Variants in GABBR2 observed in about 807,000 individuals in gnomAD.
GABBR2 encodes the protein gamma-aminobutyric acid type B receptor subunit 2, also known as G-protein coupled receptor 51.
GABBR2 carries 23 observed loss-of-function variants against 105.6 expected under a neutral mutation model. The ratio of observed to expected loss-of-function variants is 0.22; its 90% CI spans 0.16 to 0.31. The LOEUF (loss-of-function observed/expected upper bound fraction) is 0.31, where lower values mean the gene tolerates loss of function less well. Ranked by LOEUF, GABBR2 falls within the 10% of genes least tolerant of loss-of-function variation. The pLI is 1.00. For missense variants in GABBR2, 734 were observed against 1,245.5 expected (o/e 0.59, Z 6.18); for synonymous variants, 478 against 499.7 (o/e 0.96, Z 0.58).
Position 98,431,026 on chromosome 9 carries a change from C to A in GABBR2, c.1236+22955G>T, listed in dbSNP as rs563508175. ...CTTGGTTGGAAGTGGGAAGTGGAAG[C>A]CCCCAACTCCAGAACTCCAGATACT... On this transcript the variant is annotated intron_variant, in intron 7 of 18. Coordinates refer to ENST00000259455, the MANE Select transcript of GABBR2 (RefSeq NM_005458.8). Among the ~76,000 whole-genome samples the A allele has an allele frequency of 4.6e-5, 7 of 151,852 alleles. No homozygotes were observed. In the South Asian group the frequency reaches 1.5e-3, roughly 32 times the overall value.
chr9:98,697,174 C>A (rs768130757), intron 1 of GABBR2, among the ~76,000 whole-genome samples: 1 of 152,160 alleles, frequency 6.6e-6, no homozygotes, highest in Non-Finnish European at 1.5e-5. Flanking sequence ...GCTCTCTAAG[C>A]CTCATCTGTA....
intron 1 of GABBR2, among the ~76,000 whole-genome samples, chr9:98,584,413 C>G (rs938703019): frequency 6.6e-6 from 1 of 152,164 alleles, no homozygotes; most frequent in Non-Finnish European, 1.5e-5. Context: ...TCTACTGTAG[C>G]TCATGGTCAC....
chr9:98,619,301 G>C (rs1209388761), intron 1 of GABBR2, among the ~76,000 whole-genome samples: 1 of 151,794 alleles, frequency 6.6e-6, no homozygotes, highest in African/African-American at 2.4e-5. Context: ...TAGGCCTTGT[G>C]CCCATGGAAC....
At chr9:98,323,603 G>T (rs949988938) in intron 13 of GABBR2, among the ~76,000 whole-genome samples, 15 of 152,288 alleles carry the variant, frequency 9.8e-5, no homozygotes, top group African/African-American at 3.6e-4. Flanking sequence ...CTCCCAGAGG[G>T]CCCTGCCCAA....
chr9:98,412,574 A>G (rs1317065678), intron 7 of GABBR2, among the ~76,000 whole-genome samples: 1 of 152,134 alleles, frequency 6.6e-6, no homozygotes, highest in Non-Finnish European at 1.5e-5. Flanking sequence ...TCAGAAGCCA[A>G]AGTTTTTCTC....
chr9:98,431,847 C>T (rs941369894), intron 7 of GABBR2, among the ~76,000 whole-genome samples: 1 of 151,092 alleles, frequency 6.6e-6, no homozygotes, highest in Non-Finnish European at 1.5e-5. Flanking sequence ...AGGCACCTGC[C>T]ACCATGCCCA....
intron 7 of GABBR2, among the ~76,000 whole-genome samples, chr9:98,445,053 T>A (rs7047515): frequency 0.095 from 14,472 of 152,284 alleles, 963 homozygotes; most frequent in African/African-American, 0.19. Context: ...AGTTTATAGA[T>A]GCCTGGAAGG....
chr9:98,586,585 C>T (rs1312053683), intron 1 of GABBR2, among the ~76,000 whole-genome samples: 11 of 152,194 alleles, frequency 7.2e-5, no homozygotes, highest in African/African-American at 2.7e-4. Context: ...TAGAAGTGAG[C>T]CACCGTGCCA....
chr9:98,330,033 C>T lies in GABBR2; in HGVS notation c.1894-18828G>A, dbSNP rs189503225. On this transcript the variant is annotated intron_variant, in intron 13 of 18. Transcript: ENST00000259455. The stretch of plus-strand genomic sequence containing the variant: ...AAAATTATCTGACAACCAGAGTAGG[C>T]GTTATCAAGAGCTCATCACATTCTC... 3.8e-4 allele frequency among the ~76,000 whole-genome samples: 58 copies of T among 152,238 alleles called. No individual in the cohort carries two copies. The East Asian group carries it at 4.0e-3, about 11-fold the overall frequency.
intron 1 of GABBR2, among the ~76,000 whole-genome samples, chr9:98,590,751 G>C (rs948826071): frequency 6.6e-6 from 1 of 152,232 alleles, no homozygotes; most frequent in Non-Finnish European, 1.5e-5. Context: ...GGGGCACATT[G>C]GTTCAACATT....
At chr9:98,471,299 G>T (rs1238695772) in intron 6 of GABBR2, among the ~76,000 whole-genome samples, 4 of 152,170 alleles carry the variant, frequency 2.6e-5, no homozygotes, top group Admixed American at 2.6e-4. Context: ...CCAGGGGGTG[G>T]GCTTATGAGT....
chr9:98,632,397 C>T (rs181563757), intron 1 of GABBR2, among the ~76,000 whole-genome samples: 4 of 152,312 alleles, frequency 2.6e-5, no homozygotes, highest in East Asian at 3.9e-4. Context: ...TTCAGTGTGG[C>T]AGTTTTAAAA....
At chr9:98,382,237 G>T (rs1383550035) in intron 11 of GABBR2, among the ~76,000 whole-genome samples, 1 of 152,174 alleles carries the variant, frequency 6.6e-6, no homozygotes, top group African/African-American at 2.4e-5. Context: ...TGCTCCACCG[G>T]TTCTCAACCT....
At chr9:98,440,649 TGA>T (rs1826015064) in intron 7 of GABBR2, among the ~76,000 whole-genome samples, 1 of 152,192 alleles carries the variant, frequency 6.6e-6, no homozygotes, top group African/African-American at 2.4e-5. Flanking sequence ...TAGAATTTCA[TGA>T]GAAAGTGGCA....
At chr9:98,429,451 A>T in intron 7 of GABBR2, among the ~76,000 whole-genome samples, 1 of 152,030 alleles carries the variant, frequency 6.6e-6, no homozygotes, top group Admixed American at 6.6e-5. Context: ...GGATTTTGGT[A>T]TATATTTTTG....
intron 7 of GABBR2, among the ~76,000 whole-genome samples, chr9:98,416,747 C>T (rs1173189140): frequency 6.6e-6 from 1 of 152,212 alleles, no homozygotes; most frequent in East Asian, 1.9e-4. Context: ...TTTTCCTAGC[C>T]CTAGGGGCAG....
At chr9:98,394,861 T>C (rs891511620) in intron 8 of GABBR2, among the ~76,000 whole-genome samples, 1 of 152,156 alleles carries the variant, frequency 6.6e-6, no homozygotes, top group African/African-American at 2.4e-5. Flanking sequence ...GAGGCCACCA[T>C]CCCTTCCCTC....
intron 3 of GABBR2, among the ~76,000 whole-genome samples, chr9:98,509,984 T>G (rs1231811516): frequency 6.6e-6 from 1 of 152,084 alleles, no homozygotes; most frequent in Non-Finnish European, 1.5e-5. Context: ...TCACCAAAGT[T>G]GAAATGAAGG....
At chr9:98,551,212 G>C (rs942925931) in intron 2 of GABBR2, among the ~76,000 whole-genome samples, 1 of 152,142 alleles carries the variant, frequency 6.6e-6, no homozygotes, top group African/African-American at 2.4e-5. Context: ...TGACCAGCCT[G>C]GCCGACATGG....
Sources: allele counts gnomAD v4.1 joint callset (sites outside exome capture counted in the v4.1 genomes callset), GRCh38; gene constraint gnomAD v4.1.1; transcripts MANE v1.5; gene names NCBI Gene and HGNC (gene_info 2026-07-23, HGNC 2026-07-21).